The following RGS12 variants were observed in gnomAD, a reference collection of about 807,000 sequenced individuals.
RGS12 encodes the protein regulator of G protein signaling 12.
A neutral mutation model predicts 120.1 loss-of-function variants in RGS12; 66 were observed. The ratio of observed to expected loss-of-function variants is 0.55; its 90% CI spans 0.45 to 0.67. RGS12 has a LOEUF of 0.67. Among genes scored for constraint, RGS12 ranks in the 30% least tolerant of loss-of-function variants. The pLI, the probability that RGS12 is intolerant of heterozygous loss-of-function variation, is 0.00. For synonymous variants in RGS12, 827 were observed against 804.7 expected (o/e 1.03, Z -0.47); for missense variants, 1,859 against 1,957.7 (o/e 0.95, Z 0.95).
chr4:3,322,770 T>C (rs1166793810), intron 2 of RGS12, among the ~76,000 whole-genome samples: 1 of 152,160 alleles, frequency 6.6e-6, no homozygotes, highest in African/African-American at 2.4e-5. Context: ...GTTTAATTTC[T>C]GGTATGAGAA....
chr4:3,362,667 CTGAG>C (rs1267382414), intron 3 of RGS12, among the ~76,000 whole-genome samples: 2 of 73,568 alleles, frequency 2.7e-5, no homozygotes, highest in African/African-American at 5.3e-5. Flanking sequence ...GGGACTGAGG[CTGAG>C]TGTGAGGGTG....
At chr4:3,304,951 G>A (rs1287757748) in intron 1 of RGS12, among the ~76,000 whole-genome samples, 2 of 152,232 alleles carry the variant, frequency 1.3e-5, no homozygotes, top group African/African-American at 2.4e-5. Context: ...TGATCAAGGC[G>A]TTGGCCAGGG....
chr4:3,317,386 C>G lies in RGS12; in HGVS notation c.1216C>G (p.Leu406Val), dbSNP rs369418455. The G allele has an allele frequency of 5.6e-6, 9 of 1,613,986 alleles. No homozygotes were observed. In the African/African-American group the frequency reaches 1.1e-4, roughly 19 times the overall value. Residue 406 changes from leucine to valine, a missense_variant, in exon 2 of 18, where the codon CTG becomes GTG. Physicochemically the swap from Leu to Val is conservative, Grantham distance 32. Around this residue, in one of 3 missense-constraint regions of RGS12, gnomAD observed 967 missense variants for 994.2 expected, o/e 0.97. Coordinates refer to ENST00000336727, the MANE Select transcript of RGS12 (RefSeq NM_001394154.1). ...LIEGMRARAFLDGDADAHQNN... is the reference protein window; with the variant it reads ...LIEGMRARAFVDGDADAHQNN... ...TGAGGGCATGCGGGCCCGCGCCTTT[C>G]TGGACGGGGACGCCGATGCCCACCA...
chr4:3,304,303 T>C (rs1329075000), intron 1 of RGS12, among the ~76,000 whole-genome samples: 1 of 152,226 alleles, frequency 6.6e-6, no homozygotes, highest in Non-Finnish European at 1.5e-5. Flanking sequence ...CAAAAACTAC[T>C]CATAATGTTG....
At chr4:3,311,768 G>A (rs1369915413) in intron 1 of RGS12, among the ~76,000 whole-genome samples, 9 of 152,134 alleles carry the variant, frequency 5.9e-5, no homozygotes, top group East Asian at 1.9e-4. Context: ...ATCTCATTAC[G>A]TATATACAGA....
Position 3,428,110 on chromosome 4 carries a change from G to A in RGS12, c.3352G>A (p.Gly1118Ser), listed in dbSNP as rs1266518553. The A allele has an allele frequency of 5.6e-6, 9 of 1,613,708 alleles. No individual in the cohort carries two copies. Among genetic ancestry groups the A allele is most frequent in the Non-Finnish European group, 6.8e-6 (8 of 1,179,814 alleles). ...RGKASADKQK[G>S]VPVKQNTAVN... ...TTTAGCATCCGCAGATAAACAGAAA[G>A]GTGTGCCAGTGAAACAGAACACAGC... Residue 1118 changes from glycine to serine, a missense_variant, in exon 15 of 18, where the codon GGT (glycine) becomes AGT (serine). Transcript: ENST00000336727.
chr4:3,393,586 A>C (rs1429050377), intron 4 of RGS12, among the ~76,000 whole-genome samples: 2 of 151,916 alleles, frequency 1.3e-5, no homozygotes, highest in Non-Finnish European at 2.9e-5. Flanking sequence ...TAATTTTTTC[A>C]TCAGGAATTA....
intron 4 of RGS12, among the ~76,000 whole-genome samples, chr4:3,392,229 T>C (rs1269364446): frequency 1.3e-5 from 2 of 152,320 alleles, no homozygotes; most frequent in South Asian, 4.1e-4. Context: ...AGATAGACTG[T>C]GGGAAGAGAT....
At chr4:3,327,458 A>G (rs976122591) in intron 2 of RGS12, among the ~76,000 whole-genome samples, 1 of 152,246 alleles carries the variant, frequency 6.6e-6, no homozygotes, top group Non-Finnish European at 1.5e-5. Flanking sequence ...ACTTCTGCAC[A>G]GCAAAAGAAA....
intron 3 of RGS12, among the ~76,000 whole-genome samples, chr4:3,360,312 CA>C (rs1220642603): frequency 1.3e-5 from 2 of 152,048 alleles, no homozygotes; most frequent in Non-Finnish European, 2.9e-5. Context: ...TTCAAAGAAC[CA>C]ACTAGGTTTT....
chr4:3,436,569 A>G (rs1278488046), intron 17 of RGS12, among the ~76,000 whole-genome samples: 4 of 152,138 alleles, frequency 2.6e-5, no homozygotes, highest in Non-Finnish European at 5.9e-5. Context: ...AGTTCAGGCC[A>G]TGCCCCTGCC....
Position 3,316,974 on chromosome 4 carries a change from C to A in RGS12, c.804C>A (p.Ile268=), listed in dbSNP as rs1396039665. ...CMRRLRAEQK[I]HSLVTMKIMH... Reference sequence around the variant, plus strand: ...GGCGCCTGCGGGCAGAGCAGAAAATCCACTCGCTGGTGACCATGAAGATCA... The same window carrying A: ...GGCGCCTGCGGGCAGAGCAGAAAATACACTCGCTGGTGACCATGAAGATCA... The change falls in exon 2 of 18, where the codon ATC becomes ATA. Residue 268 remains isoleucine (I), a synonymous_variant. Transcript: ENST00000336727. 6.2e-7 allele frequency: 1 copy of A among 1,613,878 alleles called. No individual in the cohort carries two copies. The highest frequency in any genetic ancestry group is 1.7e-5 in the Admixed American group (1 of 60,034).
chr4:3,327,688 T>C (rs1402678607), intron 2 of RGS12, among the ~76,000 whole-genome samples: 3 of 152,314 alleles, frequency 2.0e-5, no homozygotes, highest in African/African-American at 2.4e-5. Context: ...ATATCACTAA[T>C]CATGAGAGAA....
At chr4:3,387,952 G>A (rs1377295101) in intron 4 of RGS12, among the ~76,000 whole-genome samples, 3 of 152,194 alleles carry the variant, frequency 2.0e-5, no homozygotes, top group Non-Finnish European at 4.4e-5. Flanking sequence ...TTAAAAACCT[G>A]CACCTCCCAA....
chr4:3,303,747 G>C (rs999250543), intron 1 of RGS12, among the ~76,000 whole-genome samples: 1 of 152,218 alleles, frequency 6.6e-6, no homozygotes, highest in African/African-American at 2.4e-5. Context: ...TATGTGATTA[G>C]TATTAGTGTG....
At chr4:3,306,459 G>A (rs1038951824) in intron 1 of RGS12, among the ~76,000 whole-genome samples, 1 of 152,216 alleles carries the variant, frequency 6.6e-6, no homozygotes, top group Non-Finnish European at 1.5e-5. Flanking sequence ...CTCGATAAGC[G>A]GCACAGCCTT....
chr4:3,350,360 A>C (rs1714242737), intron 3 of RGS12, among the ~76,000 whole-genome samples: 2 of 152,198 alleles, frequency 1.3e-5, no homozygotes, highest in Admixed American at 1.3e-4. Flanking sequence ...TTTATCAACA[A>C]ATTTAAAACC....
chr4:3,431,689 G>A lies in RGS12; in HGVS notation c.4114+734G>A, dbSNP rs1463770935. On this transcript the variant is annotated intron_variant, in intron 17 of 17. Transcript: ENST00000336727. The stretch of plus-strand genomic sequence containing the variant: ...GGGAAAGGTGTTTCCAGGGGTCCGA[G>A]GGCCGTGGCCTGCGTGGCCATCCCC... The A allele has an allele frequency of 4.1e-6, 4 of 985,674 alleles. No homozygotes were observed. The African/African-American group carries it at 5.2e-5, about 13-fold the overall frequency. 61.1% of individuals were successfully genotyped at this position (985,674 alleles called of 1,614,324 possible).
intron 2 of RGS12, among the ~76,000 whole-genome samples, chr4:3,340,802 C>T (rs1020316263): frequency 3.3e-5 from 5 of 152,242 alleles, no homozygotes; most frequent in Non-Finnish European, 7.3e-5. Context: ...CGTTCTCCAG[C>T]CTCGGAGGCA....
Sources: gnomAD v4.1 joint callset for allele counts (sites outside exome capture counted in the v4.1 genomes callset) on GRCh38, gnomAD v4.1.1 for gene constraint, gnomAD v4.1.1 regional missense constraint, MANE v1.5 for transcripts, NCBI Gene and HGNC (gene_info 2026-07-23, HGNC 2026-07-21) for gene names.